The following SYTL4 variants were observed in gnomAD, a reference collection of about 807,000 sequenced individuals.
SYTL4 encodes synaptotagmin like 4, also known as synaptotagmin-like protein 4.
Under a neutral mutation model 52.7 loss-of-function variants are expected in SYTL4, and 16 were observed. The ratio of observed to expected loss-of-function variants is 0.30; its 90% confidence interval spans 0.21 to 0.46. The LOEUF (loss-of-function observed/expected upper bound fraction) is 0.46. SYTL4 is among the 20% of genes least tolerant of loss of function. The pLI, the probability that SYTL4 is intolerant of heterozygous loss-of-function variation, is 1.00. For synonymous variants in SYTL4, 160 were observed against 186.6 expected, an observed-to-expected ratio of 0.86 and a Z score of 1.16; for missense variants, 423 against 519.9, an observed-to-expected ratio of 0.81 and a Z score of 1.81.
intron 8 of SYTL4, among the ~76,000 whole-genome samples, chrX:100,697,940 G>A (rs2147748738): frequency 9.0e-6 from 1 of 110,736 alleles, no homozygotes; most frequent in Non-Finnish European, 1.9e-5. Context: ...CTGAGGTGGA[G>A]AACTTAAATA....
At position 100,674,534 on chromosome X, in the gene SYTL4, G is replaced by C. The variant is rs1205581354; in HGVS notation, c.*1494C>G. 8.9e-6 allele frequency: 1 copy of C among 112,231 alleles called. No homozygotes were observed. The highest frequency in any genetic ancestry group is 3.2e-5 in the African/African-American group (1 of 30,818). The allele number at this position is 112,231 out of a possible 1,213,427, so 9.2% of individuals were successfully genotyped here. ...TTTATTAAAGCACACATACATGTCA[G>C]GGGGGTGGGAAACAAAAGAGCAAGT... On this transcript the variant is annotated 3_prime_UTR_variant, in exon 20 of 20. Transcript: ENST00000372989.
chrX:100,724,077 C>T (rs1344251882), intron 2 of SYTL4, among the ~76,000 whole-genome samples: 4 of 100,794 alleles, frequency 4.0e-5, no homozygotes, highest in African/African-American at 7.5e-5. Context: ...CGCCTCTGCC[C>T]GGCCGCCCCT....
At chrX:100,716,326 G>A (rs2084210000) in intron 2 of SYTL4, among the ~76,000 whole-genome samples, 1 of 105,778 alleles carries the variant, frequency 9.5e-6, no homozygotes, top group Non-Finnish European at 1.9e-5. Context: ...GTGCATGCCT[G>A]TAATCCCAGC....
intron 8 of SYTL4, among the ~76,000 whole-genome samples, chrX:100,696,419 T>C (rs1012624996): frequency 8.9e-6 from 1 of 112,135 alleles, no homozygotes; most frequent in South Asian, 3.8e-4. Flanking sequence ...GGTCAGTCTT[T>C]TTAATTTTAG....
chrX:100,714,292 T>G (rs1288855039), intron 2 of SYTL4, among the ~76,000 whole-genome samples: 1 of 107,890 alleles, frequency 9.3e-6, no homozygotes, highest in Non-Finnish European at 1.9e-5. Context: ...GATGGAGTCT[T>G]GCTGTTGCCC....
intron 5 of SYTL4, 31 bp from the exon 6 acceptor site, chrX:100,701,704 G>C: frequency 8.6e-7 from 1 of 1,164,508 alleles, no homozygotes; most frequent in Non-Finnish European, 1.2e-6. Context: ...AGCGTAAGTG[G>C]ATTCAGGATA....
chrX:100,689,725 T>C (rs2083554684), intron 12 of SYTL4, 131 bp downstream of exon 12: 1 of 348,207 alleles, frequency 2.9e-6, no homozygotes. Flanking sequence ...TTTAGAAACT[T>C]GGGGGTATCA....
Position 100,701,319 on chromosome X carries a change from T to C in SYTL4, c.337A>G (p.Lys113Glu). 1 of 1,200,373 alleles carries C rather than the reference T, an allele frequency of 8.3e-7. No individual in the cohort carries two copies. The highest frequency in any genetic ancestry group is 2.2e-5 in the Admixed American group (1 of 45,854). The change falls in exon 7 of 20, where the codon AAA (lysine) becomes GAA (glutamate). Residue 113 changes from lysine (K) to glutamate (E), a missense_variant. Lys to Glu is a moderately conservative substitution (Grantham distance 56, BLOSUM62 1). Coordinates refer to ENST00000372989, the MANE Select transcript of SYTL4 (RefSeq NM_001370165.1). Reference protein sequence around the residue: ...KVCAKEIELKKATGDWFYDQK... With the variant: ...KVCAKEIELKEATGDWFYDQK... ...TCATAAAACCAGTCCCCAGTTGCTT[T>C]CTTCAACTCTCTGGGAAGAAATAAA...
intron 8 of SYTL4, among the ~76,000 whole-genome samples, chrX:100,698,879 T>C (rs1202151387): frequency 1.8e-5 from 2 of 112,023 alleles, no homozygotes; most frequent in Admixed American, 9.5e-5. Flanking sequence ...TATAAGAGAA[T>C]GTAAATATTA....
intron 2 of SYTL4, among the ~76,000 whole-genome samples, chrX:100,712,367 G>A (rs908458225): frequency 8.9e-6 from 1 of 112,441 alleles, no homozygotes; most frequent in Non-Finnish European, 1.9e-5. Flanking sequence ...GATTTTAAGA[G>A]ACACTATAAA....
intron 8 of SYTL4, among the ~76,000 whole-genome samples, chrX:100,700,174 C>G (rs1448287522): frequency 9.0e-6 from 1 of 111,101 alleles, no homozygotes; most frequent in Non-Finnish European, 1.9e-5. Flanking sequence ...AGTGAATATA[C>G]TAAAAACTAT....
At position 100,727,481 on chromosome X, in the gene SYTL4, C is replaced by T. The variant is rs190122595; in HGVS notation, c.-240+3937G>A. On this transcript the variant is annotated intron_variant, in intron 2 of 19. Transcript: ENST00000372989. ...CAGCAAGGGCAGGAGGAAAACCACT[C>T]GCAATGGTGAAAGGGTAAACCCTCT... is the stretch of plus-strand genomic sequence containing the variant. Among the ~76,000 whole-genome samples the T allele has an allele frequency of 2.5e-3, 283 of 112,683 alleles. 1 individual carries two copies. The highest frequency in any genetic ancestry group is 7.4e-3 in the African/African-American group (230 of 31,066).
intron 8 of SYTL4, among the ~76,000 whole-genome samples, chrX:100,699,389 A>G (rs1193668940): frequency 2.8e-5 from 3 of 107,917 alleles, no homozygotes; most frequent in Non-Finnish European, 5.7e-5. Context: ...AAAGAAAAAG[A>G]AAAGAAAAGA....
intron 2 of SYTL4, among the ~76,000 whole-genome samples, chrX:100,708,294 T>A (rs2084000825): frequency 8.9e-6 from 1 of 111,892 alleles, no homozygotes; most frequent in Non-Finnish European, 1.9e-5. Flanking sequence ...GAGGATAATA[T>A]GTTAATGCAA....
At chrX:100,713,159 C>T (rs990606294) in intron 2 of SYTL4, among the ~76,000 whole-genome samples, 6 of 112,321 alleles carry the variant, frequency 5.3e-5, no homozygotes, top group Non-Finnish European at 7.5e-5. Flanking sequence ...CAAAAGCATA[C>T]GTAGGCCGGA....
chrX:100,704,671 T>G (rs2083921594), intron 3 of SYTL4, 140 bp downstream of exon 3: 1 of 111,690 alleles, frequency 9.0e-6, no homozygotes, highest in Admixed American at 9.5e-5. Context: ...TCCAGGTAAC[T>G]GGGCCCAGGA....
intron 2 of SYTL4, among the ~76,000 whole-genome samples, chrX:100,726,566 T>C (rs370922441): frequency 1.7e-4 from 19 of 109,453 alleles, no homozygotes; most frequent in African/African-American, 6.3e-4. Flanking sequence ...GGCTAGTCTT[T>C]TCTCCTCTTT....
At chrX:100,711,342 G>A (rs1411864673) in intron 2 of SYTL4, among the ~76,000 whole-genome samples, 2 of 111,838 alleles carry the variant, frequency 1.8e-5, no homozygotes, top group African/African-American at 6.5e-5. Context: ...CCATAATAAT[G>A]AGAAAAATCA....
At chrX:100,681,011 T>G (rs1473810309) in intron 17 of SYTL4, among the ~76,000 whole-genome samples, 1 of 110,938 alleles carries the variant, frequency 9.0e-6, no homozygotes, top group East Asian at 2.8e-4. Flanking sequence ...CAAGTCCATT[T>G]AATAGCCTAA....
Sources: allele counts gnomAD v4.1 joint callset (sites outside exome capture counted in the v4.1 genomes callset), GRCh38; gene constraint gnomAD v4.1.1; transcripts MANE v1.5; gene names NCBI Gene and HGNC (gene_info 2026-07-23, HGNC 2026-07-21).